Variants in CFAP47 observed in about 807,000 individuals in gnomAD.
The protein encoded by CFAP47 is cilia- and flagella-associated protein 47.
In CFAP47, 29 loss-of-function variants were observed where a neutral mutation model predicts 148.1. That is an observed-to-expected ratio of 0.20 (90% CI 0.15 to 0.27). The LOEUF is 0.27. Among genes scored for constraint, CFAP47 ranks in the 10% least tolerant of loss-of-function variants. The pLI, the probability that CFAP47 is intolerant of heterozygous loss-of-function variation, is 1.00. For synonymous variants in CFAP47, 664 were observed against 577.3 expected (o/e 1.15, Z -2.15); for missense variants, 1,872 against 1,697.5 (o/e 1.10, Z -1.81).
intron 49 of CFAP47, among the ~76,000 whole-genome samples, chrX:36,256,174 A>G (rs782574563): frequency 8.9e-6 from 1 of 112,222 alleles, no homozygotes; most frequent in Non-Finnish European, 1.9e-5. Context: ...CCTGTTACTT[A>G]TTTGCAGTGG....
At chrX:36,282,676 C>A (rs1941092285) in intron 50 of CFAP47, among the ~76,000 whole-genome samples, 1 of 111,199 alleles carries the variant, frequency 9.0e-6, no homozygotes, top group South Asian at 3.8e-4. Context: ...GAAAGCAACA[C>A]CTAAATCAGA....
chrX:36,343,891 C>A (rs190891747), intron 57 of CFAP47, among the ~76,000 whole-genome samples: 7 of 109,478 alleles, frequency 6.4e-5, no homozygotes, highest in African/African-American at 2.3e-4. Context: ...TTTGTTCTTG[C>A]GATAGTTTAC....
chrX:36,186,371 C>CA (rs1430433708), intron 40 of CFAP47, among the ~76,000 whole-genome samples: 5 of 111,090 alleles, frequency 4.5e-5, no homozygotes, highest in Admixed American at 1.9e-4. Context: ...CAAGGTGGTG[C>CA]AAAAAACAGC....
chrX:36,169,016 T>C (rs1939530888), intron 39 of CFAP47, among the ~76,000 whole-genome samples: 1 of 111,719 alleles, frequency 9.0e-6, no homozygotes, highest in East Asian at 2.8e-4. Context: ...TTTTTAAAAA[T>C]TTTTTTGAAG....
At chrX:36,081,143 A>C (rs766820846) in intron 29 of CFAP47, among the ~76,000 whole-genome samples, 34 of 111,530 alleles carry the variant, frequency 3.0e-4, no homozygotes, top group Admixed American at 2.9e-3. Flanking sequence ...AAATAAGCAC[A>C]ATCAAAATCA....
At chrX:36,169,251 T>A (rs920836282) in intron 39 of CFAP47, among the ~76,000 whole-genome samples, 2 of 111,548 alleles carry the variant, frequency 1.8e-5, no homozygotes, top group Admixed American at 1.9e-4. Context: ...ATATGTGGAT[T>A]GCCTTAAGTT....
intron 62 of CFAP47, among the ~76,000 whole-genome samples, chrX:36,372,537 A>G (rs1272183793): frequency 8.9e-6 from 1 of 111,768 alleles, no homozygotes; most frequent in African/African-American, 3.2e-5. Context: ...CCTAGATGGT[A>G]TAGCATACTG....
chrX:36,047,212 C>T (rs1192634120), intron 26 of CFAP47, 149 bp downstream of exon 26: 12 of 455,089 alleles, frequency 2.6e-5, no homozygotes, highest in South Asian at 1.6e-4. Flanking sequence ...AATGTAAGTG[C>T]GCTCTCACAA....
chrX:36,003,972 T>TC (rs1555959679), intron 21 of CFAP47, among the ~76,000 whole-genome samples: 107 of 90,965 alleles, frequency 1.2e-3, no homozygotes, highest in African/African-American at 4.1e-3. Context: ...TTTTTCTTTT[T>TC]TTTTTTTTTT....
At chrX:35,982,988 G>A (rs1056337987) in intron 15 of CFAP47, among the ~76,000 whole-genome samples, 1 of 111,849 alleles carries the variant, frequency 8.9e-6, no homozygotes, top group East Asian at 2.8e-4. Flanking sequence ...TTCTAATTTT[G>A]TGAAGAATGT....
At chrX:36,094,005 G>C (rs1938231827) in intron 30 of CFAP47, among the ~76,000 whole-genome samples, 1 of 111,589 alleles carries the variant, frequency 9.0e-6, no homozygotes, top group Non-Finnish European at 1.9e-5. Context: ...ATAGTTTGAG[G>C]ATATAGCTTT....
chrX:36,323,689 C>CA, intron 57 of CFAP47, among the ~76,000 whole-genome samples: 1 of 111,264 alleles, frequency 9.0e-6, no homozygotes, highest in Non-Finnish European at 1.9e-5. Flanking sequence ...CTCTGTATTA[C>CA]AAAAGGACAT....
At position 36,085,534 on chromosome X, in the gene CFAP47, C is replaced by G; in HGVS notation, c.4912C>G (p.Leu1638Val). 8.6e-7 allele frequency: 1 copy of G among 1,157,849 alleles called. No homozygotes were observed. The highest frequency in any genetic ancestry group is 1.2e-6 in the Non-Finnish European group (1 of 848,595). The change falls in exon 30 of 64, where the codon CTC (leucine) becomes GTC (valine). Residue 1638 changes from leucine to valine, a missense_variant. Transcript: ENST00000378653. ...HLQHSSLLDF[L>V]NAQGGCISHV... ...GCAACATTCCTCACTTCTGGACTTT[C>G]TCAAGTAAGTGCCTGGATGTGCTCA...
intron 2 of CFAP47, among the ~76,000 whole-genome samples, chrX:35,936,398 A>G (rs929133221): frequency 1.4e-4 from 15 of 105,224 alleles, no homozygotes; most frequent in African/African-American, 5.2e-4. Flanking sequence ...GAGATTTTCT[A>G]TTTATTCATT....
chrX:36,003,975 T>TTC (rs1936949914), intron 21 of CFAP47, among the ~76,000 whole-genome samples: 2 of 94,334 alleles, frequency 2.1e-5, no homozygotes, highest in Non-Finnish European at 4.2e-5. Context: ...TTCTTTTTTT[T>TTC]TTTTTTTTTT....
rs765897358 is a variant in CFAP47, at chrX:35,966,843, G to A, written c.1600+89G>A. 1.1e-5 allele frequency: 7 copies of A among 634,279 alleles called. No homozygotes were observed. The East Asian group carries it at 1.2e-4, about 11-fold the overall frequency. The allele number at this position is 634,279 out of a possible 1,213,427, so 52.3% of individuals were successfully genotyped here. On this transcript the variant is annotated intron_variant, in intron 9 of 63. Transcript: ENST00000378653. ...ATATACTAATTGCTTAATTACACAC[G>A]CACATATATGTGAAAGAAGTGCTTT...
chrX:35,958,714 G>T (rs1936280829), intron 8 of CFAP47, among the ~76,000 whole-genome samples: 1 of 111,759 alleles, frequency 8.9e-6, no homozygotes, highest in Non-Finnish European at 1.9e-5. Flanking sequence ...ATGATAGGCA[G>T]AATAATGGCC....
chrX:36,008,081 A>G (rs1230079812), intron 21 of CFAP47, among the ~76,000 whole-genome samples: 1 of 111,381 alleles, frequency 9.0e-6, no homozygotes, highest in Non-Finnish European at 1.9e-5. Context: ...TTTGGGACCC[A>G]GCACTAGACT....
intron 45 of CFAP47, among the ~76,000 whole-genome samples, chrX:36,220,726 A>G (rs1448790632): frequency 8.9e-6 from 1 of 111,751 alleles, no homozygotes; most frequent in African/African-American, 3.2e-5. Context: ...TAAAATGTCT[A>G]CAATTCCAGA....
Sources: allele counts gnomAD v4.1 joint callset (sites outside exome capture counted in the v4.1 genomes callset), GRCh38; gene constraint gnomAD v4.1.1; transcripts MANE v1.5; gene names NCBI Gene and HGNC (gene_info 2026-07-23, HGNC 2026-07-21).